The following PTPRD variants were observed in gnomAD, a reference collection of about 807,000 sequenced individuals.
PTPRD encodes the protein protein tyrosine phosphatase receptor type D, also known as receptor-type tyrosine-protein phosphatase delta.
In PTPRD, 34 loss-of-function variants were observed where a neutral mutation model predicts 214.5. The ratio of observed to expected loss-of-function variants is 0.16; its 90% confidence interval spans 0.12 to 0.21. The LOEUF (loss-of-function observed/expected upper bound fraction) is 0.21. Among genes scored for constraint, PTPRD ranks in the 10% least tolerant of loss-of-function variants. The pLI is 1.00. For synonymous variants in PTPRD, 1,128 were observed against 845.7 expected, an observed-to-expected ratio of 1.33 and a Z score of -5.79; for missense variants, 2,545 against 2,398.7, an observed-to-expected ratio of 1.06 and a Z score of -1.27.
At chr9:9,292,353 T>C (rs1951449208) in intron 9 of PTPRD, among the ~76,000 whole-genome samples, 1 of 151,428 alleles carries the variant, frequency 6.6e-6, no homozygotes, top group Non-Finnish European at 1.5e-5. Flanking sequence ...CCGCATGATG[T>C]AGGAAGATTT....
intron 11 of PTPRD, among the ~76,000 whole-genome samples, chr9:8,940,538 C>T (rs1446670077): frequency 2.0e-5 from 3 of 146,944 alleles, no homozygotes; most frequent in East Asian, 4.2e-4. Context: ...GGTGATCCAC[C>T]TGCCCTTGGC....
chr9:10,583,949 T>C (rs1042057768), intron 2 of PTPRD, among the ~76,000 whole-genome samples: 2 of 152,136 alleles, frequency 1.3e-5, no homozygotes, highest in Non-Finnish European at 2.9e-5. Flanking sequence ...TTCTTCCCAC[T>C]GAAAACATGG....
chr9:8,412,324 AG>A (rs1485133715), intron 35 of PTPRD, among the ~76,000 whole-genome samples: 2 of 152,238 alleles, frequency 1.3e-5, no homozygotes, highest in African/African-American at 4.8e-5. Flanking sequence ...TATTGAGTAT[AG>A]GTAACAGACA....
intron 35 of PTPRD, among the ~76,000 whole-genome samples, chr9:8,421,058 C>T (rs184680454): frequency 1.3e-5 from 2 of 152,166 alleles, no homozygotes; most frequent in Admixed American, 6.5e-5. Context: ...GTTGCTGTTC[C>T]TCCGTCTCCA....
chr9:10,612,179 C>A (rs2081181208), intron 2 of PTPRD, among the ~76,000 whole-genome samples: 1 of 140,148 alleles, frequency 7.1e-6, no homozygotes. Flanking sequence ...CCATACTGAT[C>A]CCATATCGAA....
At chr9:8,518,700 C>T (rs1308848598) in intron 20 of PTPRD, among the ~76,000 whole-genome samples, 1 of 152,146 alleles carries the variant, frequency 6.6e-6, no homozygotes, top group Non-Finnish European at 1.5e-5. Flanking sequence ...ATCCTGCACG[C>T]ATTTCTTAAC....
At chr9:9,619,840 G>C (rs547077530) in intron 7 of PTPRD, among the ~76,000 whole-genome samples, 2 of 146,458 alleles carry the variant, frequency 1.4e-5, no homozygotes, top group Middle Eastern at 3.9e-3. Flanking sequence ...ATATATGTTA[G>C]CTTTTTATTT....
intron 3 of PTPRD, among the ~76,000 whole-genome samples, chr9:10,143,584 T>C (rs1434350205): frequency 1.3e-5 from 2 of 151,932 alleles, no homozygotes; most frequent in African/African-American, 2.4e-5. Context: ...AAAAAAATTG[T>C]ATCAAAAAGT....
At chr9:9,483,714 A>G (rs2095511275) in intron 8 of PTPRD, among the ~76,000 whole-genome samples, 1 of 152,010 alleles carries the variant, frequency 6.6e-6, no homozygotes, top group Non-Finnish European at 1.5e-5. Flanking sequence ...TCTGAGCCCA[A>G]GGAATAAGTA....
At chr9:8,785,059 C>A (rs1331749088) in intron 11 of PTPRD, among the ~76,000 whole-genome samples, 2 of 151,972 alleles carry the variant, frequency 1.3e-5, no homozygotes, top group Non-Finnish European at 2.9e-5. Flanking sequence ...AAGAGAAAAC[C>A]CTTGACAGCT....
At chr9:9,754,761 A>G (rs1049226875) in intron 6 of PTPRD, among the ~76,000 whole-genome samples, 1 of 152,066 alleles carries the variant, frequency 6.6e-6, no homozygotes, top group Non-Finnish European at 1.5e-5. Flanking sequence ...TAGATTGTTC[A>G]ATTGTTTCTG....
At chr9:9,452,208 A>G (rs2092331954) in intron 8 of PTPRD, among the ~76,000 whole-genome samples, 1 of 151,482 alleles carries the variant, frequency 6.6e-6, no homozygotes, top group Admixed American at 6.6e-5. Flanking sequence ...TAAACCAATA[A>G]CTATCATTTT....
chr9:9,839,906 G>T (rs1454494972), intron 5 of PTPRD, among the ~76,000 whole-genome samples: 2 of 151,800 alleles, frequency 1.3e-5, no homozygotes, highest in African/African-American at 4.8e-5. Context: ...ATATTGATAT[G>T]CATTTTTAAA....
At chr9:8,544,481 T>C (rs1302263933) in intron 14 of PTPRD, among the ~76,000 whole-genome samples, 1 of 148,266 alleles carries the variant, frequency 6.7e-6, no homozygotes, top group Non-Finnish European at 1.5e-5. Context: ...TTTTTTTTTT[T>C]TTTTTTTGAG....
intron 2 of PTPRD, among the ~76,000 whole-genome samples, chr9:10,525,821 G>A (rs961310775): frequency 2.0e-5 from 3 of 150,508 alleles, no homozygotes; most frequent in Non-Finnish European, 4.4e-5. Context: ...CAGGGTTCTC[G>A]CTTTCCACTT....
chr9:10,360,919 G>T (rs1258210865), intron 2 of PTPRD, among the ~76,000 whole-genome samples: 3 of 152,042 alleles, frequency 2.0e-5, no homozygotes, highest in Non-Finnish European at 4.4e-5. Flanking sequence ...TGGCTAACAC[G>T]ATGAAACCCC....
intron 4 of PTPRD, among the ~76,000 whole-genome samples, chr9:9,949,191 TTAA>T (rs1385133732): frequency 6.6e-6 from 1 of 152,132 alleles, no homozygotes; most frequent in Admixed American, 6.6e-5. Flanking sequence ...AAGTGTTTCA[TTAA>T]TGTTTATGAG....
intron 11 of PTPRD, among the ~76,000 whole-genome samples, chr9:8,927,718 T>C (rs537980017): frequency 1.3e-5 from 2 of 152,190 alleles, no homozygotes; most frequent in African/African-American, 2.4e-5. Flanking sequence ...TTTGGGTATA[T>C]ACCCAGAAAT....
chr9:8,800,425 AC>A (rs1292117835), intron 11 of PTPRD, among the ~76,000 whole-genome samples: 1 of 152,154 alleles, frequency 6.6e-6, no homozygotes, highest in Non-Finnish European at 1.5e-5. Context: ...AGCACAAGAT[AC>A]AGGTCATAAA....
Sources: gnomAD v4.1 joint callset for allele counts (sites outside exome capture counted in the v4.1 genomes callset) on GRCh38, gnomAD v4.1.1 for gene constraint, MANE v1.5 for transcripts, NCBI Gene and HGNC (gene_info 2026-07-23, HGNC 2026-07-21) for gene names.